Variants in FAT3 observed in about 807,000 individuals in gnomAD.
FAT3 encodes the protein FAT atypical cadherin 3.
In FAT3, 95 loss-of-function variants were observed where a neutral mutation model predicts 310.2. The ratio of observed to expected loss-of-function variants is 0.31; its 90% confidence interval spans 0.26 to 0.36. The LOEUF (loss-of-function observed/expected upper bound fraction) is 0.36, where lower values mean the gene tolerates loss of function less well. Among genes scored for constraint, FAT3 ranks in the 10% least tolerant of loss-of-function variants. FAT3 has a pLI of 1.00. For missense variants in FAT3, 5,408 were observed against 5,715.6 expected (o/e 0.95, Z 1.74); for synonymous variants, 2,314 against 2,192.9 (o/e 1.06, Z -1.54).
rs56918849 is a variant in FAT3 at position 92,554,461 on chromosome 11, C to CAAAAAA, written c.3607+29545_3607+29550dup. ...TGGGCGAAAGAGTGAGACTCCATCTCAAAAAAAAAAAAAAAAAAAAAAAAA... is the reference window on the plus strand; with the variant it reads ...TGGGCGAAAGAGTGAGACTCCATCTCAAAAAAAAAAAAAAAAAAAAAAAAAAAAAAA... On this transcript the variant is annotated intron_variant, in intron 3 of 27. Transcript: ENST00000525166. Among the ~76,000 whole-genome samples the CAAAAAA allele has an allele frequency of 7.3e-5, 4 of 55,012 alleles. 1 individual carries two copies. The highest frequency in any genetic ancestry group is 5.7e-4 in the Admixed American group (2 of 3,532). The allele number at this position is 55,012 out of a possible 152,430, so 36.1% of individuals were successfully genotyped here.
intron 4 of FAT3, among the ~76,000 whole-genome samples, chr11:92,751,146 G>A (rs1383453933): frequency 6.6e-6 from 1 of 152,218 alleles, no homozygotes; most frequent in Admixed American, 6.5e-5. Context: ...AGGTGGCCAT[G>A]CCCATGGGGT....
chr11:92,836,425 G>A, intron 15 of FAT3, 141 bp from the exon 16 acceptor site: 5 of 814,742 alleles, frequency 6.1e-6, no homozygotes, highest in Non-Finnish European at 9.2e-6. Flanking sequence ...TCTGCTGGGG[G>A]CGTGGTCACT....
At chr11:92,644,485 C>T (rs779659589) in intron 3 of FAT3, among the ~76,000 whole-genome samples, 4 of 151,190 alleles carry the variant, frequency 2.6e-5, no homozygotes, top group Non-Finnish European at 4.4e-5. Context: ...CATACCACCC[C>T]GCCCCCCCGA....
chr11:92,726,197 T>G (rs1197776251), intron 4 of FAT3, among the ~76,000 whole-genome samples: 1 of 152,174 alleles, frequency 6.6e-6, no homozygotes, highest in Non-Finnish European at 1.5e-5. Flanking sequence ...GTTTAATAGC[T>G]ATGACAATTT....
Position 92,354,918 on chromosome 11 carries a change from T to G in FAT3, c.2806T>G (p.Phe936Val). 6.2e-7 allele frequency: 1 copy of G among 1,613,886 alleles called. No individual in the cohort carries two copies. Among genetic ancestry groups the G allele is most frequent in the Non-Finnish European group, 8.5e-7 (1 of 1,179,872 alleles). Residue 936 changes from phenylalanine (F) to valine (V), a missense_variant, in exon 2 of 28, where the codon TTC (phenylalanine) becomes GTC (valine). This residue lies in a region of FAT3 where 4,588 missense variants were observed against 4,809.8 expected (regional missense o/e 0.95). Coordinates refer to ENST00000525166, the MANE Select transcript of FAT3 (RefSeq NM_001367949.2). ...LDDVNDCSPA[F>V]IPSSYSVKVL... ...TGATGTCAATGACTGCTCCCCAGCT[T>G]TCATTCCCAGTAGCTATAGTGTGAA...
Position 92,883,271 on chromosome 11 carries a change from G to T in FAT3, c.12815G>T (p.Arg4272Leu), listed in dbSNP as rs911048662. Residue 4272 changes from arginine to leucine, a missense_variant, in exon 24 of 28, where the codon CGC becomes CTC. Arg to Leu is a moderately radical substitution (Grantham distance 102). Around this residue, in one of 5 missense-constraint regions of FAT3, gnomAD observed 649 missense variants for 666.2 expected, o/e 0.97. Transcript: ENST00000525166. The surrounding 1 kb of genome is among the most constrained non-coding windows in gnomAD (Gnocchi z 4.2). ...EMTTFHPESP[R>L]ILTARRGVVV... is the part of the protein sequence containing the mutation. ...ACCACGTTTCACCCTGAGTCGCCCC[G>T]CATCCTGACAGCCCGGCGGGGCGTG... The T allele has an allele frequency of 7.6e-5, 123 of 1,612,672 alleles. No homozygotes were observed. The highest frequency in any genetic ancestry group is 9.8e-5 in the Non-Finnish European group (116 of 1,179,840).
intron 2 of FAT3, among the ~76,000 whole-genome samples, chr11:92,426,276 A>G (rs1320061050): frequency 6.6e-6 from 1 of 152,116 alleles, no homozygotes; most frequent in African/African-American, 2.4e-5. Context: ...GATTCTGGAT[A>G]TTAGCCCTTT....
chr11:92,388,689 G>A (rs1949681985), intron 2 of FAT3, among the ~76,000 whole-genome samples: 1 of 151,970 alleles, frequency 6.6e-6, no homozygotes, highest in Non-Finnish European at 1.5e-5. Flanking sequence ...CATTTCCTGG[G>A]GAAGATGGAT....
At chr11:92,629,054 A>G (rs1941447732) in intron 3 of FAT3, among the ~76,000 whole-genome samples, 2 of 152,226 alleles carry the variant, frequency 1.3e-5, no homozygotes, top group South Asian at 2.1e-4. Context: ...GTCATTCATG[A>G]TTAAAACAGT....
chr11:92,870,915 A>G (rs1327859347), intron 22 of FAT3, among the ~76,000 whole-genome samples: 2 of 152,178 alleles, frequency 1.3e-5, no homozygotes, highest in African/African-American at 4.8e-5. Context: ...TGAGGTCAAT[A>G]CTATTCTTCT....
At chr11:92,365,129 G>A (rs912784234) in intron 2 of FAT3, among the ~76,000 whole-genome samples, 2 of 152,066 alleles carry the variant, frequency 1.3e-5, no homozygotes, top group African/African-American at 2.4e-5. Flanking sequence ...ATTTAGCTGG[G>A]CATGGTGGCA....
At chr11:92,372,798 C>A (rs1374790789) in intron 2 of FAT3, among the ~76,000 whole-genome samples, 1 of 151,882 alleles carries the variant, frequency 6.6e-6, no homozygotes, top group African/African-American at 2.4e-5. Context: ...GAAGCTGGGA[C>A]TACAGGCGCC....
intron 2 of FAT3, among the ~76,000 whole-genome samples, chr11:92,435,986 A>G (rs1335854318): frequency 1.3e-5 from 2 of 152,174 alleles, no homozygotes; most frequent in African/African-American, 4.8e-5. Context: ...CACGTTACTA[A>G]CATATATACA....
chr11:92,562,321 C>G (rs193131275), intron 3 of FAT3, among the ~76,000 whole-genome samples: 1 of 152,292 alleles, frequency 6.6e-6, no homozygotes, highest in African/African-American at 2.4e-5. Context: ...TATCTTCTCT[C>G]TCTCTTTCTC....
chr11:92,534,898 T>C (rs1004026820), intron 3 of FAT3, among the ~76,000 whole-genome samples: 2 of 152,076 alleles, frequency 1.3e-5, no homozygotes, highest in South Asian at 4.1e-4. Flanking sequence ...ATTTTTACGT[T>C]TAGGTTTGAT....
chr11:92,303,034 T>A (rs557878992), intron 1 of FAT3, among the ~76,000 whole-genome samples: 2 of 152,190 alleles, frequency 1.3e-5, no homozygotes, highest in South Asian at 4.2e-4. Context: ...TAGAGTTTTT[T>A]GCGGTGTGAA....
At chr11:92,321,957 T>A (rs1316651096) in intron 1 of FAT3, among the ~76,000 whole-genome samples, 1 of 152,174 alleles carries the variant, frequency 6.6e-6, no homozygotes, top group Non-Finnish European at 1.5e-5. Context: ...CTCAATGCCA[T>A]GAACATTGAG....
At chr11:92,443,187 A>C (rs1480667117) in intron 2 of FAT3, among the ~76,000 whole-genome samples, 2 of 152,188 alleles carry the variant, frequency 1.3e-5, no homozygotes, top group Non-Finnish European at 2.9e-5. Context: ...TGAGAGAAAA[A>C]TCAAGTGAGA....
intron 1 of FAT3, among the ~76,000 whole-genome samples, chr11:92,329,693 G>A (rs1947859663): frequency 6.6e-6 from 1 of 151,062 alleles, no homozygotes. Context: ...AAAACTATTT[G>A]TGTTCCACTT....
Sources: allele counts gnomAD v4.1 joint callset (sites outside exome capture counted in the v4.1 genomes callset), GRCh38; gene constraint gnomAD v4.1.1; regional missense constraint gnomAD v4.1.1; non-coding constraint Gnocchi (gnomAD v3.1); transcripts MANE v1.5; gene names NCBI Gene and HGNC (gene_info 2026-07-23, HGNC 2026-07-21).